Variants in DNAH3 observed in about 807,000 individuals in gnomAD.
DNAH3 encodes dynein axonemal heavy chain 3, also known as axonemal beta dynein heavy chain 3.
A neutral mutation model predicts 432.5 loss-of-function variants in DNAH3; 332 were observed. That is an observed-to-expected ratio of 0.77 (90% CI 0.70 to 0.84). The LOEUF is 0.84. DNAH3 is among the 40% of genes least tolerant of loss of function. The pLI is 0.00. For synonymous variants in DNAH3, 1,956 were observed against 1,900.2 expected, an observed-to-expected ratio of 1.03 and a Z score of -0.76; for missense variants, 4,861 against 5,114.0, an observed-to-expected ratio of 0.95 and a Z score of 1.51.
At chr16:21,070,931 C>T in intron 21 of DNAH3, 105 bp from the exon 22 acceptor site, 2 of 718,986 alleles carry the variant, frequency 2.8e-6, no homozygotes, top group South Asian at 1.6e-5. Flanking sequence ...CTCACCCAGG[C>T]CTGAGTGCAA....
intron 7 of DNAH3, among the ~76,000 whole-genome samples, chr16:21,132,724 G>A (rs956529555): frequency 3.3e-5 from 5 of 152,162 alleles, no homozygotes; most frequent in African/African-American, 4.8e-5. Flanking sequence ...CTTAGTGGTT[G>A]GGAGGAAATG....
chr16:20,957,277 T>A (rs1402074112), intron 54 of DNAH3, among the ~76,000 whole-genome samples: 1 of 152,234 alleles, frequency 6.6e-6, no homozygotes, highest in Non-Finnish European at 1.5e-5. Flanking sequence ...TGATCTCTGC[T>A]GCAACTACTT....
intron 41 of DNAH3, among the ~76,000 whole-genome samples, chr16:21,011,488 C>T (rs1435098637): frequency 6.6e-6 from 1 of 152,084 alleles, no homozygotes; most frequent in South Asian, 2.1e-4. Context: ...TCCCAAGTAG[C>T]TGAGAATAGA....
At chr16:21,049,314 T>C (rs2089856138) in intron 31 of DNAH3, among the ~76,000 whole-genome samples, 1 of 152,188 alleles carries the variant, frequency 6.6e-6, no homozygotes. Context: ...GCAGAATCTC[T>C]GATGTATAGT....
rs377308469 is a variant in DNAH3 at position 21,049,680 on chromosome 16, A to G, written c.4350T>C (p.Cys1450=). The change falls in exon 31 of 62, where the codon TGT becomes TGC. Residue 1450 remains cysteine (C), a splice_region_variant and synonymous_variant. Coordinates refer to ENST00000261383, the Ensembl canonical transcript of DNAH3. ...AACCATCGGAGCAGTTGAAGACCAC[A>G]CACTAGAAAGAGGGAGGATGTGGGT... is the stretch of plus-strand genomic sequence containing the variant. 21 of 1,613,760 alleles carry G rather than the reference A, an allele frequency of 1.3e-5. No homozygotes were observed. In the African/African-American group the frequency reaches 2.7e-4, roughly 20 times the overall value.
At chr16:21,154,089 A>G (rs1300395946) in intron 1 of DNAH3, among the ~76,000 whole-genome samples, 1 of 152,200 alleles carries the variant, frequency 6.6e-6, no homozygotes, top group Non-Finnish European at 1.5e-5. Flanking sequence ...AAAAACAGCA[A>G]CTGTAATCCA....
At chr16:21,068,409 G>A (rs2090657048) in intron 23 of DNAH3, among the ~76,000 whole-genome samples, 4 of 151,690 alleles carry the variant, frequency 2.6e-5, no homozygotes, top group Admixed American at 6.6e-5. Flanking sequence ...CTGCCTCCCA[G>A]GCTCAAGGGA....
chr16:21,038,221 C>T (rs912295350), intron 33 of DNAH3, among the ~76,000 whole-genome samples: 1 of 152,108 alleles, frequency 6.6e-6, no homozygotes, highest in African/African-American at 2.4e-5. Flanking sequence ...ACGTTTTTGG[C>T]CAAGTGCAGT....
At position 20,965,203 on chromosome 16, in the gene DNAH3, TAC is replaced by T; in HGVS notation, c.8679_8680del (p.Tyr2894ArgfsTer47). The T allele has an allele frequency of 6.2e-7, 1 of 1,614,048 alleles. No homozygotes were observed. The highest frequency in any genetic ancestry group is 1.1e-5 in the South Asian group (1 of 91,084). On this transcript the variant is annotated frameshift_variant, in exon 53 of 62. Coordinates refer to ENST00000261383, the Ensembl canonical transcript of DNAH3. LOFTEE classifies it high-confidence loss of function. ...AGCCACCACCTTGGCCACGCGATCG[TAC>T]ACCTCCATGGCCCTCACCCACTTGC...
At chr16:21,103,886 T>C (rs1367111911) in intron 16 of DNAH3, 1 of 152,780 alleles carries the variant, frequency 6.5e-6, no homozygotes, top group African/African-American at 2.4e-5. Flanking sequence ...GATTTGTCAG[T>C]ATGTCTATAT....
chr16:20,943,225 TGCAC>T (rs2152569192), intron 58 of DNAH3, among the ~76,000 whole-genome samples: 1 of 150,818 alleles, frequency 6.6e-6, no homozygotes, highest in Non-Finnish European at 1.5e-5. Flanking sequence ...GGATTACAGG[TGCAC>T]GCCACTGAGC....
rs182545553 is a variant in DNAH3 at position 20,933,536 on chromosome 16, T to C, written c.11998-29A>G. ...GAAGAATAAAAAGCTATGAGCTCCATTGCCTGCCATTTTCCTACATGGGCA... is the reference window on the plus strand; with the variant it reads ...GAAGAATAAAAAGCTATGAGCTCCACTGCCTGCCATTTTCCTACATGGGCA... On this transcript the variant is annotated intron_variant, in intron 61 of 61. Transcript: ENST00000261383. The C allele has an allele frequency of 8.8e-4, 1,333 of 1,519,460 alleles. 7 individuals are homozygous for C. The African/African-American group carries it at 0.016, about 18-fold the overall frequency. The allele number at this position is 1,519,460 out of a possible 1,614,324, so 94.1% of individuals were successfully genotyped here.
intron 56 of DNAH3, among the ~76,000 whole-genome samples, chr16:20,950,789 C>G (rs1179923032): frequency 1.3e-5 from 2 of 152,066 alleles, no homozygotes; most frequent in Non-Finnish European, 2.9e-5. Flanking sequence ...ACGGCACGTT[C>G]CTTGAAGTTA....
intron 56 of DNAH3, among the ~76,000 whole-genome samples, chr16:20,949,600 G>A (rs1234885017): frequency 1.3e-5 from 2 of 152,160 alleles, no homozygotes; most frequent in Admixed American, 1.3e-4. Context: ...CATATCCCTG[G>A]TGGATAAAGA....
At chr16:20,979,583 C>T (rs1418715414) in intron 49 of DNAH3, 37 bp from the exon 50 acceptor site, 1 of 1,587,524 alleles carries the variant, frequency 6.3e-7, no homozygotes, top group African/African-American at 1.3e-5. Context: ...CAGGACCCAA[C>T]ATCTTCCAGG....
At chr16:20,979,614 TTATAGACATGAGGA>T in intron 49 of DNAH3, 68 bp from the exon 50 acceptor site, 1 of 1,417,982 alleles carries the variant, frequency 7.1e-7, no homozygotes, top group South Asian at 1.2e-5. Flanking sequence ...ACAGCTTTAG[TTATAGACATGAGGA>T]TATGAGAAGG....
intron 20 of DNAH3, among the ~76,000 whole-genome samples, chr16:21,077,659 G>A (rs190088670): frequency 6.6e-6 from 1 of 152,248 alleles, no homozygotes; most frequent in African/African-American, 2.4e-5. Flanking sequence ...CTTTCTTCTT[G>A]TTTCCACATG....
chr16:21,037,989 G>A lies in DNAH3; in HGVS notation c.4731-9C>T, dbSNP rs746364905. On this transcript the variant is annotated splice_polypyrimidine_tract_variant and intron_variant, in intron 33 of 61. Transcript: ENST00000261383. ...CGATCTTCTGGGCGAGACTAGAAGG[G>A]CAAAGACATGTATGCGGACACCCAG... 2.5e-6 allele frequency: 4 copies of A among 1,612,596 alleles called. No homozygotes were observed. The African/African-American group carries it at 5.3e-5, about 22-fold the overall frequency.
chr16:21,152,608 A>T (rs2092865576), intron 1 of DNAH3, among the ~76,000 whole-genome samples: 1 of 152,206 alleles, frequency 6.6e-6, no homozygotes, highest in African/African-American at 2.4e-5. Flanking sequence ...GAGAGGCGCG[A>T]GCGGGAACCC....
Sources: gnomAD v4.1 joint callset for allele counts (sites outside exome capture counted in the v4.1 genomes callset) on GRCh38, gnomAD v4.1.1 for gene constraint, MANE v1.5 for transcripts, NCBI Gene and HGNC (gene_info 2026-07-23, HGNC 2026-07-21) for gene names.